Variants in DRC11 observed in about 807,000 individuals in gnomAD.
The protein encoded by DRC11 is dynein regulatory complex subunit 11, also known as IQ and AAA domain-containing protein 1.
chr2:236,412,846 T>C, the DRC11 span: 1 of 152,344 alleles, frequency 6.6e-6, no homozygotes, highest in African/African-American at 2.4e-5. Flanking sequence ...GAGATGCCGA[T>C]CAGAGTTTGG....
chr2:236,341,537 T>A, the DRC11 span, among the ~76,000 whole-genome samples: 1 of 151,740 alleles, frequency 6.6e-6, no homozygotes, highest in Non-Finnish European at 1.5e-5. Context: ...GGAACAGGAG[T>A]GTGTGCAGGA....
At chr2:236,503,881 T>C in the DRC11 span, among the ~76,000 whole-genome samples, 1 of 152,090 alleles carries the variant, frequency 6.6e-6, no homozygotes, top group African/African-American at 2.4e-5. This position sits in a 1 kb window ranked among gnomAD's most constrained non-coding sequence, Gnocchi z 4.9. Context: ...AGCCTCTTTC[T>C]GCTTGAGCCC....
chr2:236,505,205 A>G, the DRC11 span, among the ~76,000 whole-genome samples: 2 of 152,216 alleles, frequency 1.3e-5, no homozygotes, highest in Non-Finnish European at 2.9e-5. Flanking sequence ...TAAAAAGACC[A>G]GACTGTTATT....
chr2:236,425,926 T>C, the DRC11 span, among the ~76,000 whole-genome samples: 1 of 151,982 alleles, frequency 6.6e-6, no homozygotes, highest in Non-Finnish European at 1.5e-5. Flanking sequence ...ACACCTTTGT[T>C]GAAAATCAAT....
chr2:236,460,128 A>T, the DRC11 span, among the ~76,000 whole-genome samples: 1 of 152,226 alleles, frequency 6.6e-6, no homozygotes, highest in Admixed American at 6.5e-5. The surrounding 1 kb of genome is among the most constrained non-coding windows in gnomAD (Gnocchi z 4.0). Flanking sequence ...AGTCAATCAG[A>T]TAAGTGTAAT....
At chr2:236,412,060 GA>G in the DRC11 span, among the ~76,000 whole-genome samples, 4,750 of 150,426 alleles carry the variant, frequency 0.032, 244 homozygotes, top group East Asian at 0.18. Context: ...AAAAAAAAAA[GA>G]AAAAAAAATT....
chr2:236,344,421 G>T, the DRC11 span: 1 of 629,354 alleles, frequency 1.6e-6, no homozygotes, highest in Non-Finnish European at 2.9e-6. Flanking sequence ...GGCAGACAGA[G>T]ACCACTACAG....
At chr2:236,344,569 G>A in the DRC11 span, 42 of 1,613,228 alleles carry the variant, frequency 2.6e-5, no homozygotes, top group African/African-American at 1.3e-4. Context: ...TCTTTTCTGC[G>A]TTGGGAACTT....
the DRC11 span, chr2:236,441,256 T>C: frequency 1.5e-6 from 1 of 651,176 alleles, no homozygotes; most frequent in Admixed American, 2.5e-5. Flanking sequence ...GATCAAGGGC[T>C]GGGCATGGTG....
chr2:236,371,657 C>T, the DRC11 span, among the ~76,000 whole-genome samples: 3 of 152,170 alleles, frequency 2.0e-5, no homozygotes, highest in South Asian at 2.1e-4. The surrounding 1 kb of genome is among the most constrained non-coding windows in gnomAD (Gnocchi z 5.1). Context: ...TACCAATCCT[C>T]GTGCCAAGGT....
the DRC11 span, among the ~76,000 whole-genome samples, chr2:236,358,332 ATG>A: frequency 1.4e-4 from 19 of 132,310 alleles, no homozygotes; most frequent in East Asian, 7.1e-4. Context: ...ATGAATATAT[ATG>A]ATATATAGAT....
the DRC11 span, among the ~76,000 whole-genome samples, chr2:236,327,964 T>C: frequency 6.6e-6 from 1 of 152,240 alleles, no homozygotes; most frequent in Admixed American, 6.5e-5. Flanking sequence ...TTAATGACTA[T>C]ATATTTTTTT....
the DRC11 span, among the ~76,000 whole-genome samples, chr2:236,335,294 C>T: frequency 6.6e-6 from 1 of 152,204 alleles, no homozygotes; most frequent in Non-Finnish European, 1.5e-5. The surrounding 1 kb of genome is among the most constrained non-coding windows in gnomAD (Gnocchi z 5.6). Context: ...ATGTCCCAGC[C>T]ACTGTGGCTA....
At chr2:236,494,556 C>T in the DRC11 span, among the ~76,000 whole-genome samples, 477 of 152,264 alleles carry the variant, frequency 3.1e-3, 1 homozygote, top group African/African-American at 0.011. This position sits in a 1 kb window ranked among gnomAD's most constrained non-coding sequence, Gnocchi z 4.2. Context: ...CTTGGCCAAT[C>T]CCACTGAGAA....
At chr2:236,347,038 C>T in the DRC11 span, among the ~76,000 whole-genome samples, 1 of 152,146 alleles carries the variant, frequency 6.6e-6, no homozygotes, top group Non-Finnish European at 1.5e-5. Flanking sequence ...GACAGCCCAC[C>T]CCAAGGGAAG....
chr2:236,343,598 T>A, the DRC11 span: 2 of 651,234 alleles, frequency 3.1e-6, no homozygotes, highest in South Asian at 3.0e-5. This position sits in a 1 kb window ranked among gnomAD's most constrained non-coding sequence, Gnocchi z 6.6. Context: ...AGGTTTCTGA[T>A]AACTCCAGGT....
At chr2:236,354,780 C>G in the DRC11 span, among the ~76,000 whole-genome samples, 1 of 152,158 alleles carries the variant, frequency 6.6e-6, no homozygotes, top group African/African-American at 2.4e-5. Context: ...CTGACTGACA[C>G]ACAGTGCCCG....
the DRC11 span, among the ~76,000 whole-genome samples, chr2:236,477,615 A>T: frequency 2.0e-5 from 3 of 152,098 alleles, no homozygotes; most frequent in Admixed American, 2.0e-4. Flanking sequence ...TAGTATTGGT[A>T]TTAGTTCTTT....
the DRC11 span, among the ~76,000 whole-genome samples, chr2:236,504,601 G>A: frequency 1.3e-5 from 2 of 152,096 alleles, no homozygotes; most frequent in Non-Finnish European, 2.9e-5. This position sits in a 1 kb window ranked among gnomAD's most constrained non-coding sequence, Gnocchi z 5.0. Flanking sequence ...ACCAACTCTG[G>A]ACACCTCCAG....
Sources: gnomAD v4.1 joint callset for allele counts (sites outside exome capture counted in the v4.1 genomes callset) on GRCh38, gnomAD v4.1.1 for gene constraint, Gnocchi (gnomAD v3.1) non-coding constraint, MANE v1.5 for transcripts, NCBI Gene and HGNC (gene_info 2026-07-23, HGNC 2026-07-21) for gene names.